PHF24: variants seen among roughly 807,000 people sequenced by gnomAD.
PHF24 encodes PHD finger protein 24.
Under a neutral mutation model 42.6 loss-of-function variants are expected in PHF24, and 25 were observed. The ratio of observed to expected loss-of-function variants is 0.59; its 90% CI spans 0.43 to 0.82. The LOEUF is 0.82. Among genes scored for constraint, PHF24 ranks in the 40% least tolerant of loss-of-function variants. The pLI is 0.00. For synonymous variants in PHF24, 185 were observed against 204.8 expected (o/e 0.90, Z 0.83); for missense variants, 470 against 538.1 (o/e 0.87, Z 1.25).
the PHF24 span, chr9:34,895,199 C>T: frequency 7.6e-6 from 3 of 397,124 alleles, no homozygotes; most frequent in Non-Finnish European, 1.3e-5. Flanking sequence ...ATTTTATATA[C>T]TCTTCTATCT....
At chr9:34,857,360 T>G in the PHF24 span, among the ~76,000 whole-genome samples, 1 of 152,212 alleles carries the variant, frequency 6.6e-6, no homozygotes, top group African/African-American at 2.4e-5. Context: ...GCAAAACTCC[T>G]GGGTCTTCCT....
exon 8 of PHF24, chr9:34,981,228 C>G (rs1313380097): frequency 6.6e-6 from 1 of 152,306 alleles, no homozygotes; most frequent in East Asian, 1.9e-4. Flanking sequence ...CAGATACCAG[C>G]CTTTCTGGTC....
the PHF24 span, chr9:34,710,272 C>T: frequency 1.9e-5 from 11 of 587,318 alleles, no homozygotes; most frequent in Admixed American, 3.0e-4. Context: ...AGTGGACAGT[C>T]CTCAGCTGCC....
the PHF24 span, chr9:34,665,985 G>T: frequency 7.7e-3 from 3,393 of 441,576 alleles, 15 homozygotes; most frequent in Non-Finnish European, 0.011. Context: ...CACCTGGAGG[G>T]GGGGCTGAGA....
At chr9:34,758,968 G>A in the PHF24 span, among the ~76,000 whole-genome samples, 1 of 152,150 alleles carries the variant, frequency 6.6e-6, no homozygotes, top group Non-Finnish European at 1.5e-5. The surrounding 1 kb of genome is among the most constrained non-coding windows in gnomAD (Gnocchi z 4.4). Context: ...CCTCCTCACT[G>A]CTCCCGTCAC....
chr9:34,682,885 A>G, the PHF24 span, among the ~76,000 whole-genome samples: 19 of 152,168 alleles, frequency 1.2e-4, no homozygotes, highest in African/African-American at 4.6e-4. Context: ...AGCTGTAGCT[A>G]TGATTCCAGA....
chr9:34,929,261 A>AG, the PHF24 span, among the ~76,000 whole-genome samples: 1 of 152,144 alleles, frequency 6.6e-6, no homozygotes, highest in Non-Finnish European at 1.5e-5. Flanking sequence ...TTTGTTTGTT[A>AG]GGTGGGGACC....
chr9:34,875,351 A>G, the PHF24 span, among the ~76,000 whole-genome samples: 62 of 152,334 alleles, frequency 4.1e-4, no homozygotes, highest in African/African-American at 1.4e-3. Context: ...TTAATAAAAA[A>G]TGTAAAATGA....
the PHF24 span, among the ~76,000 whole-genome samples, chr9:34,806,254 T>C: frequency 2.0e-5 from 3 of 152,168 alleles, no homozygotes; most frequent in Non-Finnish European, 4.4e-5. Flanking sequence ...TCTAAAACAA[T>C]GTCAGCTGGG....
At chr9:34,715,246 TG>T in the PHF24 span, among the ~76,000 whole-genome samples, 1 of 152,018 alleles carries the variant, frequency 6.6e-6, no homozygotes, top group Non-Finnish European at 1.5e-5. Flanking sequence ...TGAGTGGACC[TG>T]GTGGCAGGGG....
At chr9:34,713,892 G>A in the PHF24 span, among the ~76,000 whole-genome samples, 1 of 152,094 alleles carries the variant, frequency 6.6e-6, no homozygotes, top group African/African-American at 2.4e-5. Context: ...GAAACCATAG[G>A]AAGAGGAGGA....
chr9:34,700,538 AGAG>A, the PHF24 span, among the ~76,000 whole-genome samples: 1 of 152,218 alleles, frequency 6.6e-6, no homozygotes, highest in Non-Finnish European at 1.5e-5. Flanking sequence ...GGATGATTGA[AGAG>A]GAGTGGGTTT....
chr9:34,732,229 AG>A, the PHF24 span, among the ~76,000 whole-genome samples: 1 of 151,994 alleles, frequency 6.6e-6, no homozygotes. Flanking sequence ...TCAGTGTACA[AG>A]GGTTCTCTTT....
At chr9:34,824,364 T>C in the PHF24 span, among the ~76,000 whole-genome samples, 1 of 152,236 alleles carries the variant, frequency 6.6e-6, no homozygotes, top group East Asian at 1.9e-4. Flanking sequence ...ATGACACATA[T>C]GTGTGCAAAA....
the PHF24 span, among the ~76,000 whole-genome samples, chr9:34,829,231 T>A: frequency 1.6e-3 from 242 of 152,104 alleles, no homozygotes; most frequent in African/African-American, 4.9e-3. Flanking sequence ...TGGAATTGCC[T>A]TTAACTGATG....
the PHF24 span, among the ~76,000 whole-genome samples, chr9:34,722,119 G>A: frequency 1.3e-5 from 2 of 152,166 alleles, no homozygotes; most frequent in African/African-American, 4.8e-5. Flanking sequence ...GACCCTCCCT[G>A]AGGACCATCA....
At chr9:34,711,790 A>T in the PHF24 span, among the ~76,000 whole-genome samples, 1 of 151,156 alleles carries the variant, frequency 6.6e-6, no homozygotes, top group Non-Finnish European at 1.5e-5. Context: ...TGATCCGCTC[A>T]CCTTGGCCTC....
chr9:34,698,818 A>G, the PHF24 span, among the ~76,000 whole-genome samples: 5 of 152,162 alleles, frequency 3.3e-5, no homozygotes, highest in Non-Finnish European at 7.3e-5. Flanking sequence ...GCTCCGGGGA[A>G]AGTTGCCCTG....
At chr9:34,842,331 A>C in the PHF24 span, among the ~76,000 whole-genome samples, 1 of 152,088 alleles carries the variant, frequency 6.6e-6, no homozygotes, top group Non-Finnish European at 1.5e-5. Context: ...ATGTATTCCC[A>C]TTTTTCTTGG....
Sources: allele counts gnomAD v4.1 joint callset (sites outside exome capture counted in the v4.1 genomes callset), GRCh38; gene constraint gnomAD v4.1.1; non-coding constraint Gnocchi (gnomAD v3.1); transcripts MANE v1.5; gene names NCBI Gene and HGNC (gene_info 2026-07-23, HGNC 2026-07-21).